Variants in ADAMTS17 observed in about 807,000 individuals in gnomAD.
ADAMTS17 encodes the protein ADAM metallopeptidase with thrombospondin type 1 motif 17.
A neutral mutation model predicts 141.5 loss-of-function variants in ADAMTS17; 113 were observed. That is an observed-to-expected ratio of 0.80 (90% CI 0.69 to 0.93). ADAMTS17 has a LOEUF of 0.93. ADAMTS17 is among the 40% of genes least tolerant of loss of function. ADAMTS17 has a pLI of 0.00. For synonymous variants in ADAMTS17, 768 were observed against 630.6 expected, an observed-to-expected ratio of 1.22 and a Z score of -3.27; for missense variants, 1,659 against 1,517.9, an observed-to-expected ratio of 1.09 and a Z score of -1.54.
At chr15:100,054,136 C>G (rs2032368510) in intron 15 of ADAMTS17, 82 bp from the exon 16 acceptor site, 2 of 1,539,382 alleles carry the variant, frequency 1.3e-6, no homozygotes, top group Non-Finnish European at 1.8e-6. Context: ...ATCTACAGCC[C>G]CTGAGTGGGG....
intron 18 of ADAMTS17, among the ~76,000 whole-genome samples, chr15:100,008,058 G>A (rs1391505331): frequency 1.3e-5 from 2 of 151,666 alleles, no homozygotes; most frequent in Non-Finnish European, 2.9e-5. Context: ...TGGCAGCAGG[G>A]AAAGGCTGCT....
At chr15:100,114,576 C>T (rs760986048) in intron 13 of ADAMTS17, among the ~76,000 whole-genome samples, 21 of 152,310 alleles carry the variant, frequency 1.4e-4, no homozygotes, top group South Asian at 2.1e-4. Context: ...TGCAAAGCCC[C>T]GAGCGTGGGG....
At chr15:100,239,531 G>A (rs570200830) in intron 7 of ADAMTS17, among the ~76,000 whole-genome samples, 9 of 152,280 alleles carry the variant, frequency 5.9e-5, no homozygotes, top group East Asian at 3.9e-4. Context: ...GCCCCTGAGC[G>A]GGGCAGCAGC....
At chr15:100,102,561 C>T (rs527368980) in intron 14 of ADAMTS17, among the ~76,000 whole-genome samples, 38 of 150,064 alleles carry the variant, frequency 2.5e-4, no homozygotes, top group Middle Eastern at 3.5e-3. Context: ...GAAGGCCGAC[C>T]GAAGGGGCTC....
chr15:100,085,540 G>A (rs1189019622), intron 15 of ADAMTS17, among the ~76,000 whole-genome samples: 1 of 151,886 alleles, frequency 6.6e-6, no homozygotes, highest in African/African-American at 2.4e-5. Flanking sequence ...ACACATAATT[G>A]TCAGATTCAC....
intron 3 of ADAMTS17, among the ~76,000 whole-genome samples, chr15:100,330,496 G>A (rs996788005): frequency 1.4e-4 from 22 of 152,146 alleles, no homozygotes; most frequent in East Asian, 3.9e-4. Flanking sequence ...CTTCAGAGGC[G>A]CCCCAGGTGG....
chr15:100,165,917 G>A (rs1482097689), intron 8 of ADAMTS17, among the ~76,000 whole-genome samples: 1 of 151,842 alleles, frequency 6.6e-6, no homozygotes, highest in African/African-American at 2.4e-5. Flanking sequence ...GAATGGCCTT[G>A]GGTATTTTGA....
rs189047987 is a variant in ADAMTS17 at position 100,214,896 on chromosome 15, C to G, written c.1076-15473G>C. Among the ~76,000 whole-genome samples, 32 of 152,396 alleles carry G rather than the reference C, an allele frequency of 2.1e-4. 1 individual carries two copies. Among genetic ancestry groups the G allele is most frequent in the African/African-American group, 7.0e-4 (29 of 41,594 alleles). ...GAAAGAGTAAAGCTTTGCTGTTGCA[C>G]TGTCCCGTGACAAGTTCATTACTGC... On this transcript the variant is annotated intron_variant, in intron 7 of 21. Transcript: ENST00000268070.
chr15:100,336,011 G>A (rs994481920), intron 2 of ADAMTS17, among the ~76,000 whole-genome samples: 1 of 152,202 alleles, frequency 6.6e-6, no homozygotes, highest in Non-Finnish European at 1.5e-5. Flanking sequence ...TCCAAGATCA[G>A]GCAGCTGCAG....
intron 7 of ADAMTS17, among the ~76,000 whole-genome samples, chr15:100,250,831 G>C (rs118112150): frequency 0.015 from 2,262 of 152,224 alleles, 23 homozygotes; most frequent in Middle Eastern, 0.051. Flanking sequence ...CTGGGTGATA[G>C]GTACAACAGA....
At chr15:100,012,129 T>C (rs2061197430) in intron 18 of ADAMTS17, among the ~76,000 whole-genome samples, 1 of 152,242 alleles carries the variant, frequency 6.6e-6, no homozygotes, top group South Asian at 2.1e-4. Flanking sequence ...TGATTTGCAT[T>C]TCCCTGATCA....
chr15:100,220,687 C>T (rs903422857), intron 7 of ADAMTS17, among the ~76,000 whole-genome samples: 7 of 152,158 alleles, frequency 4.6e-5, no homozygotes, highest in South Asian at 2.1e-4. Context: ...TCCTCCTCCC[C>T]GAGCCCCTGG....
chr15:100,126,692 T>TA (rs1319956060), intron 12 of ADAMTS17, among the ~76,000 whole-genome samples: 1 of 152,238 alleles, frequency 6.6e-6, no homozygotes, highest in Non-Finnish European at 1.5e-5. Flanking sequence ...GGATGTGTTT[T>TA]GGAGGCACTG....
intron 6 of ADAMTS17, among the ~76,000 whole-genome samples, chr15:100,260,765 T>C (rs1280562698): frequency 6.6e-6 from 1 of 152,174 alleles, no homozygotes; most frequent in East Asian, 1.9e-4. Context: ...AAGCACGCAA[T>C]TTGGGAAGTA....
intron 15 of ADAMTS17, among the ~76,000 whole-genome samples, chr15:100,092,440 C>T (rs2141000327): frequency 6.6e-6 from 1 of 152,354 alleles, no homozygotes; most frequent in African/African-American, 2.4e-5. Flanking sequence ...ATGAGAAACA[C>T]TTGGGAACAG....
intron 8 of ADAMTS17, among the ~76,000 whole-genome samples, chr15:100,156,697 T>C (rs2039452817): frequency 6.6e-6 from 1 of 152,220 alleles, no homozygotes; most frequent in Non-Finnish European, 1.5e-5. Flanking sequence ...ATTTAGCCAG[T>C]AGCTAAGATA....
At chr15:100,258,533 C>T (rs146969790) in intron 6 of ADAMTS17, among the ~76,000 whole-genome samples, 228 of 152,296 alleles carry the variant, frequency 1.5e-3, no homozygotes, top group African/African-American at 4.1e-3. Context: ...GCGAAAGGCA[C>T]GTCTCACATG....
chr15:100,300,100 G>A lies in ADAMTS17; in HGVS notation c.617-18699C>T, dbSNP rs533006492. On this transcript the variant is annotated intron_variant, in intron 3 of 21. Coordinates refer to ENST00000268070, the MANE Select transcript of ADAMTS17 (RefSeq NM_139057.4). ...GCAACAACAAATCCTTGGCCCTGTA[G>A]GGCTCTGGAGTCAGGGTTTCTTCCA... Among the ~76,000 whole-genome samples, 9 of 152,276 alleles carry A rather than the reference G, an allele frequency of 5.9e-5. No homozygotes were observed. The South Asian group carries it at 1.9e-3, about 32-fold the overall frequency.
chr15:100,102,837 GT>G (rs1341431959), intron 14 of ADAMTS17, among the ~76,000 whole-genome samples: 1 of 152,060 alleles, frequency 6.6e-6, no homozygotes, highest in African/African-American at 2.4e-5. Context: ...AGCTCTGAGT[GT>G]GGGATCAGAC....
Sources: allele counts gnomAD v4.1 joint callset (sites outside exome capture counted in the v4.1 genomes callset), GRCh38; gene constraint gnomAD v4.1.1; transcripts MANE v1.5; gene names NCBI Gene and HGNC (gene_info 2026-07-23, HGNC 2026-07-21).